The following DIP2B variants were observed in gnomAD, a reference collection of about 807,000 sequenced individuals.
DIP2B encodes the protein DIP2 acetate--CoA ligase B (putative).
Under a neutral mutation model 198.0 loss-of-function variants are expected in DIP2B, and 76 were observed. The observed-to-expected ratio is 0.38, with a 90% CI of 0.32 to 0.46. DIP2B has a LOEUF of 0.46. Ranked by LOEUF, DIP2B falls within the 20% of genes least tolerant of loss-of-function variation. DIP2B has a pLI of 0.99. For synonymous variants in DIP2B, 701 were observed against 739.1 expected (o/e 0.95, Z 0.84); for missense variants, 1,559 against 1,978.4 (o/e 0.79, Z 4.02).
At chr12:50,574,306 G>T (rs796987104) in intron 1 of DIP2B, among the ~76,000 whole-genome samples, 4 of 152,224 alleles carry the variant, frequency 2.6e-5, no homozygotes, top group African/African-American at 9.6e-5. Context: ...TTCTCCACAC[G>T]GGTTCTGGAT....
chr12:50,593,911 C>T lies in DIP2B; in HGVS notation c.101-32065C>T, dbSNP rs146456399. On this transcript the variant is annotated intron_variant, in intron 1 of 37. Coordinates refer to ENST00000301180, the MANE Select transcript of DIP2B (RefSeq NM_173602.3). ...CCTCCCCTCCCCTCTCCTCCCCTCC[C>T]CTCTCCTTTTCCTCTCTTCTCTTTT... Among the ~76,000 whole-genome samples the T allele has an allele frequency of 3.5e-3, 186 of 52,876 alleles. 10 individuals carry two copies. In the East Asian group the frequency reaches 0.041, roughly 12 times the overall value. 34.7% of individuals were successfully genotyped at this position (52,876 alleles called of 152,430 possible).
At chr12:50,732,023 A>C (rs542313097) in intron 31 of DIP2B, among the ~76,000 whole-genome samples, 1 of 152,352 alleles carries the variant, frequency 6.6e-6, no homozygotes, top group South Asian at 2.1e-4. Flanking sequence ...AGATGAGATT[A>C]GATCGCCAGA....
chr12:50,727,858 A>T (rs1435864065), intron 29 of DIP2B, 46 bp downstream of exon 29: 1 of 1,514,390 alleles, frequency 6.6e-7, no homozygotes, highest in Non-Finnish European at 9.2e-7. Flanking sequence ...AAAAATAGAG[A>T]TGACCACTGC....
In DIP2B at chr12:50,674,487, T is replaced by C. The variant is rs1938910419; in HGVS notation, c.654T>C (p.Ala218=). Residue 218 remains alanine (A), a synonymous_variant, in exon 6 of 38, where the codon GCT becomes GCC. Transcript: ENST00000301180. ...TTCTCCTCTCAGAGAATTTCTCTGCTCCTCCTGATGTCACTACAACTACCT... is the reference window on the plus strand; with the variant it reads ...TTCTCCTCTCAGAGAATTTCTCTGCCCCTCCTGATGTCACTACAACTACCT... ...FANTRIENFS[A]PPDVTTTTSS... 6.2e-7 allele frequency: 1 copy of C among 1,614,236 alleles called. No homozygotes were observed. Among genetic ancestry groups the C allele is most frequent in the South Asian group, 1.1e-5 (1 of 91,086 alleles).
intron 4 of DIP2B, among the ~76,000 whole-genome samples, chr12:50,667,442 AT>A (rs2139519987): frequency 6.6e-6 from 1 of 152,310 alleles, no homozygotes; most frequent in South Asian, 2.1e-4. Flanking sequence ...TTTTGCCCAA[AT>A]TTCTACAAAT....
At position 50,664,830 on chromosome 12, in the gene DIP2B, G is replaced by GTTTTTTTTTTTTTTTTTTTTTT. The variant is rs1205734576; in HGVS notation, c.427+4516_427+4517insTTTTTTTTTTTTTTTTTTTTTT. Among the ~76,000 whole-genome samples the GTTTTTTTTTTTTTTTTTTTTTT allele has an allele frequency of 2.0e-5, 2 of 99,686 alleles. 1 individual carries two copies. The highest frequency in any genetic ancestry group is 3.7e-5 in the Non-Finnish European group (2 of 53,994). 65.4% of individuals were successfully genotyped at this position (99,686 alleles called of 152,430 possible). Reference sequence around the variant, plus strand: ...CAAGGAGAATTTCCCTCCTTTTTTGGTTTTTGTTTTTTTTTTTTTTTTTTT... The same window carrying GTTTTTTTTTTTTTTTTTTTTTT: ...CAAGGAGAATTTCCCTCCTTTTTTGGTTTTTTTTTTTTTTTTTTTTTTTTTTTGTTTTTTTTTTTTTTTTTTT... On this transcript the variant is annotated intron_variant, in intron 4 of 37. Transcript: ENST00000301180.
intron 1 of DIP2B, among the ~76,000 whole-genome samples, chr12:50,507,437 G>A (rs887396032): frequency 6.6e-6 from 1 of 152,184 alleles, no homozygotes; most frequent in Non-Finnish European, 1.5e-5. Context: ...GTAGTATGGT[G>A]TTATTTGTGA....
chr12:50,513,328 G>C (rs556268085), intron 1 of DIP2B, among the ~76,000 whole-genome samples: 1 of 152,304 alleles, frequency 6.6e-6, no homozygotes, highest in Non-Finnish European at 1.5e-5. Context: ...TTGGGTCACT[G>C]CAAGCAGTTG....
intron 1 of DIP2B, among the ~76,000 whole-genome samples, chr12:50,542,019 G>A (rs1200247197): frequency 1.3e-5 from 2 of 149,126 alleles, no homozygotes; most frequent in African/African-American, 4.9e-5. Context: ...GAGACCGGGC[G>A]CGGTGGCTCA....
chr12:50,698,621 A>G (rs563526171), intron 18 of DIP2B, among the ~76,000 whole-genome samples, 154 bp downstream of exon 18: 141 of 152,334 alleles, frequency 9.3e-4, no homozygotes, highest in South Asian at 3.7e-3. Flanking sequence ...AAGTCATTAT[A>G]ATTATGCTGA....
intron 1 of DIP2B, among the ~76,000 whole-genome samples, chr12:50,568,601 A>G (rs1161349373): frequency 6.6e-6 from 1 of 152,160 alleles, no homozygotes; most frequent in Admixed American, 6.5e-5. Context: ...GGAGTAAAAA[A>G]GAAAATAGGC....
chr12:50,513,726 T>C (rs1316680893), intron 1 of DIP2B, among the ~76,000 whole-genome samples: 1 of 151,836 alleles, frequency 6.6e-6, no homozygotes, highest in Admixed American at 6.6e-5. Flanking sequence ...ATACACAAAC[T>C]AGCCGGGCAT....
At chr12:50,743,626 A>G (rs897751381) in intron 37 of DIP2B, 1 of 152,180 alleles carries the variant, frequency 6.6e-6, no homozygotes, top group East Asian at 1.9e-4. Context: ...TTACAAATCA[A>G]TCAAACTATT....
intron 1 of DIP2B, among the ~76,000 whole-genome samples, chr12:50,511,073 G>A (rs529676000): frequency 8.6e-5 from 13 of 150,290 alleles, no homozygotes; most frequent in African/African-American, 2.9e-4. Flanking sequence ...AGCCTCCCAA[G>A]TAGCTGGGAT....
intron 1 of DIP2B, among the ~76,000 whole-genome samples, chr12:50,586,632 G>C (rs983165905): frequency 2.6e-5 from 4 of 152,194 alleles, no homozygotes; most frequent in African/African-American, 9.6e-5. Context: ...GAGTGCAGTG[G>C]TGTGATCTCG....
intron 1 of DIP2B, among the ~76,000 whole-genome samples, chr12:50,532,121 G>A (rs1267422947): frequency 1.3e-5 from 2 of 152,210 alleles, no homozygotes; most frequent in African/African-American, 2.4e-5. Context: ...CAGAAGGGAA[G>A]AAGGAAAGGA....
At chr12:50,723,065 G>T in intron 26 of DIP2B, 137 bp from the exon 27 acceptor site, 7 of 979,920 alleles carry the variant, frequency 7.1e-6, no homozygotes, top group South Asian at 5.5e-5. Context: ...AATATCTTCT[G>T]CTAGGGTCTT....
intron 1 of DIP2B, among the ~76,000 whole-genome samples, chr12:50,526,824 CAG>C (rs1958170228): frequency 6.6e-6 from 1 of 151,914 alleles, no homozygotes; most frequent in African/African-American, 2.4e-5. Flanking sequence ...TTAGTAGAGA[CAG>C]GGTTTCACCA....
chr12:50,695,377 T>G lies in DIP2B; in HGVS notation c.1813+17T>G. On this transcript the variant is annotated intron_variant, in intron 15 of 37. Transcript: ENST00000301180. ...CTCACAAAGGTAGTCACCTGCAACA[T>G]CTGAGCTTTAATTATGTGACTGTTT... 6.3e-7 allele frequency: 1 copy of G among 1,593,158 alleles called. No individual in the cohort carries two copies. The highest frequency in any genetic ancestry group is 8.6e-7 in the Non-Finnish European group (1 of 1,165,440).
Sources: gnomAD v4.1 joint callset for allele counts (sites outside exome capture counted in the v4.1 genomes callset) on GRCh38, gnomAD v4.1.1 for gene constraint, MANE v1.5 for transcripts, NCBI Gene and HGNC (gene_info 2026-07-23, HGNC 2026-07-21) for gene names.